The following B3GALT1 variants were observed in gnomAD, a reference collection of about 807,000 sequenced individuals.
B3GALT1 encodes UDP-Gal:betaGlcNAc beta 1,3-galactosyltransferase, polypeptide 1.
Under a neutral mutation model 23.2 loss-of-function variants are expected in B3GALT1, and 10 were observed. The ratio of observed to expected loss-of-function variants is 0.43; its 90% confidence interval spans 0.27 to 0.73. The LOEUF is 0.73. Among genes scored for constraint, B3GALT1 ranks in the 30% least tolerant of loss-of-function variants. The pLI, the probability that B3GALT1 is intolerant of heterozygous loss-of-function variation, is 0.21. For missense variants in B3GALT1, 299 were observed against 405.4 expected (o/e 0.74, Z 2.25); for synonymous variants, 156 against 141.5 (o/e 1.10, Z -0.73).
chr2:167,837,207 G>A (rs1255595274), intron 4 of B3GALT1, among the ~76,000 whole-genome samples: 3 of 152,100 alleles, frequency 2.0e-5, no homozygotes, highest in Non-Finnish European at 2.9e-5. Context: ...TAGACTAAAT[G>A]CTCCAATTAA....
chr2:167,699,438 C>CCACAACAT (rs1686843217), intron 3 of B3GALT1, among the ~76,000 whole-genome samples: 1 of 126,484 alleles, frequency 7.9e-6, no homozygotes, highest in Admixed American at 9.7e-5. Flanking sequence ...CCCCAATTAA[C>CCACAACAT]CACAACATTA....
At chr2:167,668,592 A>T (rs1228049253) in intron 3 of B3GALT1, among the ~76,000 whole-genome samples, 5 of 152,110 alleles carry the variant, frequency 3.3e-5, no homozygotes, top group Non-Finnish European at 7.4e-5. Context: ...CTGTGCTAGC[A>T]ATCAGCGAGA....
chr2:167,379,978 G>A (rs1443232069), intron 1 of B3GALT1, among the ~76,000 whole-genome samples: 3 of 152,190 alleles, frequency 2.0e-5, no homozygotes, highest in Non-Finnish European at 4.4e-5. Flanking sequence ...GAAGAGTGTG[G>A]TGGCTCAGGC....
chr2:167,653,834 C>T (rs182129413), intron 3 of B3GALT1, among the ~76,000 whole-genome samples: 279 of 152,252 alleles, frequency 1.8e-3, no homozygotes, highest in Non-Finnish European at 3.1e-3. Flanking sequence ...TGGTTGGCTC[C>T]ATTTAGTCCT....
At chr2:167,688,041 AAATATAATCACACTATACATATTGT>A (rs1285281867) in intron 3 of B3GALT1, among the ~76,000 whole-genome samples, 1 of 152,084 alleles carries the variant, frequency 6.6e-6, no homozygotes, top group African/African-American at 2.4e-5. Context: ...TTTTCTTATA[AAATATAATCACACTATACATATTGT>A]AATATAATCA....
At chr2:167,678,638 T>C (rs918808791) in intron 3 of B3GALT1, among the ~76,000 whole-genome samples, 1 of 152,190 alleles carries the variant, frequency 6.6e-6, no homozygotes, top group Non-Finnish European at 1.5e-5. Flanking sequence ...CTCAAAAATG[T>C]ATTAAATGTT....
intron 1 of B3GALT1, among the ~76,000 whole-genome samples, chr2:167,323,206 TAA>T (rs1382036553): frequency 6.6e-6 from 1 of 152,132 alleles, no homozygotes; most frequent in African/African-American, 2.4e-5. Context: ...GCTGATAATG[TAA>T]ATGTCATAAT....
intron 2 of B3GALT1, among the ~76,000 whole-genome samples, chr2:167,623,184 A>C (rs537512972): frequency 1.4e-5 from 2 of 147,710 alleles, no homozygotes; most frequent in South Asian, 4.1e-4. Flanking sequence ...GTTGCAAATT[A>C]ACTCAACCAT....
intron 1 of B3GALT1, among the ~76,000 whole-genome samples, chr2:167,343,121 A>G (rs1223111804): frequency 6.6e-6 from 1 of 152,168 alleles, no homozygotes; most frequent in Non-Finnish European, 1.5e-5. Flanking sequence ...TTCTTCCATT[A>G]TGATGGATGA....
At chr2:167,674,065 G>A (rs79510662) in intron 3 of B3GALT1, among the ~76,000 whole-genome samples, 6,129 of 152,116 alleles carry the variant, frequency 0.04, 198 homozygotes, top group Admixed American at 0.059. Flanking sequence ...ATAGTAAATT[G>A]CAACAAGTGG....
intron 1 of B3GALT1, among the ~76,000 whole-genome samples, chr2:167,335,686 G>A (rs1434573873): frequency 6.6e-6 from 1 of 152,148 alleles, no homozygotes; most frequent in African/African-American, 2.4e-5. Context: ...GCATGCTAAT[G>A]CATTATAATT....
At chr2:167,690,174 CA>C (rs1299895329) in intron 3 of B3GALT1, among the ~76,000 whole-genome samples, 1 of 151,570 alleles carries the variant, frequency 6.6e-6, no homozygotes, top group Non-Finnish European at 1.5e-5. Flanking sequence ...ATGACAAAAA[CA>C]ATCAATTTAA....
chr2:167,717,074 G>A (rs1687156126), intron 3 of B3GALT1, among the ~76,000 whole-genome samples: 1 of 152,134 alleles, frequency 6.6e-6, no homozygotes, highest in Non-Finnish European at 1.5e-5. Context: ...TAGAATCTGT[G>A]AAAATAAAGT....
intron 2 of B3GALT1, among the ~76,000 whole-genome samples, chr2:167,513,800 G>T (rs1010008280): frequency 7.9e-5 from 12 of 151,976 alleles, no homozygotes; most frequent in African/African-American, 2.9e-4. Flanking sequence ...AAAAAGAATT[G>T]CTGGTTTACA....
At chr2:167,500,567 A>G (rs374021272) in intron 2 of B3GALT1, among the ~76,000 whole-genome samples, 127 of 151,364 alleles carry the variant, frequency 8.4e-4, no homozygotes, top group African/African-American at 2.9e-3. Flanking sequence ...GTTCTTCCCT[A>G]GAGTAACCGC....
At chr2:167,422,075 G>GGAT (rs147707190) in intron 1 of B3GALT1, among the ~76,000 whole-genome samples, 1 of 150,874 alleles carries the variant, frequency 6.6e-6, no homozygotes, top group African/African-American at 2.4e-5. Flanking sequence ...AAGAGGAGGA[G>GGAT]GATGAGGGAG....
intron 3 of B3GALT1, among the ~76,000 whole-genome samples, chr2:167,658,454 T>C (rs1240444758): frequency 6.6e-6 from 1 of 151,916 alleles, no homozygotes; most frequent in Non-Finnish European, 1.5e-5. Context: ...AGAACAACTT[T>C]ATAGAACAAC....
At chr2:167,725,122 C>G (rs1241970789) in intron 3 of B3GALT1, among the ~76,000 whole-genome samples, 1 of 152,190 alleles carries the variant, frequency 6.6e-6, no homozygotes, top group African/African-American at 2.4e-5. Context: ...CCACAGCTCG[C>G]TCCTGTATTC....
At chr2:167,613,081 C>T (rs1685097237) in intron 2 of B3GALT1, among the ~76,000 whole-genome samples, 1 of 151,814 alleles carries the variant, frequency 6.6e-6, no homozygotes, top group East Asian at 1.9e-4. Flanking sequence ...AGAATCAGAG[C>T]CTTGTGTTCC....
Sources: allele counts gnomAD v4.1 joint callset (sites outside exome capture counted in the v4.1 genomes callset), GRCh38; gene constraint gnomAD v4.1.1; transcripts MANE v1.5; gene names NCBI Gene and HGNC (gene_info 2026-07-23, HGNC 2026-07-21).